SLC41A2: variants seen among roughly 807,000 people sequenced by gnomAD.
SLC41A2 encodes the protein SLC41A1-like 1.
In SLC41A2, 32 loss-of-function variants were observed where a neutral mutation model predicts 58.3. That is an observed-to-expected ratio of 0.55 (90% CI 0.41 to 0.74). SLC41A2 has a LOEUF of 0.74. SLC41A2 is among the 30% of genes least tolerant of loss of function. The pLI is 0.00. For missense variants in SLC41A2, 514 were observed against 680.6 expected (o/e 0.76, Z 2.72); for synonymous variants, 190 against 235.0 (o/e 0.81, Z 1.75).
At chr12:104,889,960 T>C (rs1326620036) in intron 4 of SLC41A2, among the ~76,000 whole-genome samples, 1 of 152,150 alleles carries the variant, frequency 6.6e-6, no homozygotes, top group Non-Finnish European at 1.5e-5. Context: ...CTCAGATTAA[T>C]AGGATGTCAG....
At chr12:104,920,561 GAAAAAA>G (rs2046545800) in intron 2 of SLC41A2, among the ~76,000 whole-genome samples, 1 of 151,470 alleles carries the variant, frequency 6.6e-6, no homozygotes, top group African/African-American at 2.4e-5. Flanking sequence ...ACACAGAGAA[GAAAAAA>G]AGAAAAAGAA....
intron 6 of SLC41A2, among the ~76,000 whole-genome samples, chr12:104,872,761 A>C (rs1450544754): frequency 6.6e-6 from 1 of 152,140 alleles, no homozygotes; most frequent in Non-Finnish European, 1.5e-5. Context: ...AGTAGCACAC[A>C]TTGAATTCCA....
rs1198972963 is a variant in SLC41A2, at chr12:104,830,337, C to T, written c.1536+14135G>A. ...GCACAGTATTTGCATATAACCTACACATGTCCTCCTGAATACTTTAAAACA... is the reference window on the plus strand; with the variant it reads ...GCACAGTATTTGCATATAACCTACATATGTCCTCCTGAATACTTTAAAACA... On this transcript the variant is annotated intron_variant, in intron 10 of 10. Coordinates refer to ENST00000258538, the MANE Select transcript of SLC41A2 (RefSeq NM_001352171.3). 3.9e-5 allele frequency among the ~76,000 whole-genome samples: 6 copies of T among 152,334 alleles called. No homozygotes were observed. In the East Asian group the frequency reaches 9.6e-4, roughly 24 times the overall value.
intron 10 of SLC41A2, among the ~76,000 whole-genome samples, chr12:104,826,298 C>A (rs2041842586): frequency 6.6e-6 from 1 of 152,134 alleles, no homozygotes; most frequent in Non-Finnish European, 1.5e-5. Context: ...AGGAAAGGAC[C>A]ATTCATTTCA....
chr12:104,841,365 A>C (rs1192510424), intron 10 of SLC41A2, among the ~76,000 whole-genome samples: 1 of 151,710 alleles, frequency 6.6e-6, no homozygotes, highest in Non-Finnish European at 1.5e-5. Flanking sequence ...ACCTAAATAC[A>C]GTTATAAAAT....
intron 10 of SLC41A2, among the ~76,000 whole-genome samples, chr12:104,840,602 T>C (rs1392642144): frequency 6.6e-6 from 1 of 152,216 alleles, no homozygotes; most frequent in Non-Finnish European, 1.5e-5. Flanking sequence ...GGTCTTGATA[T>C]GGTCTAGCTA....
chr12:104,943,551 A>C lies in SLC41A2; in HGVS notation c.-168+14537T>G, dbSNP rs542423982. On this transcript the variant is annotated intron_variant, in intron 1 of 10. Coordinates refer to ENST00000258538, the MANE Select transcript of SLC41A2 (RefSeq NM_001352171.3). The stretch of plus-strand genomic sequence containing the variant: ...ACTAAGATCTACCACGGACCCCTGG[A>C]CCAGCCTGCTAGCCCATACTCCGAT... Among the ~76,000 whole-genome samples, 23 of 152,324 alleles carry C rather than the reference A, an allele frequency of 1.5e-4. No homozygotes were observed. The East Asian group carries it at 4.4e-3, about 29-fold the overall frequency.
intron 2 of SLC41A2, among the ~76,000 whole-genome samples, chr12:104,924,374 G>GT (rs1460996498): frequency 6.6e-6 from 1 of 152,198 alleles, no homozygotes; most frequent in African/African-American, 2.4e-5. Context: ...CTAAATTTGA[G>GT]TATCTCCATA....
chr12:104,896,486 C>T (rs1593094897), intron 3 of SLC41A2, among the ~76,000 whole-genome samples: 2 of 152,082 alleles, frequency 1.3e-5, no homozygotes, highest in East Asian at 1.9e-4. Flanking sequence ...AAGGTACAAG[C>T]AATGTTTACA....
At position 104,913,561 on chromosome 12, in the gene SLC41A2, A is replaced by C. The variant is rs74955540; in HGVS notation, c.556-3799T>G. ...GCACATGCACGTTTCTCTTTTCACAAATACTCATGACTCCTCTTATAGCAT... is the reference window on the plus strand; with the variant it reads ...GCACATGCACGTTTCTCTTTTCACACATACTCATGACTCCTCTTATAGCAT... On this transcript the variant is annotated intron_variant, in intron 2 of 10. Coordinates refer to ENST00000258538, the MANE Select transcript of SLC41A2 (RefSeq NM_001352171.3). 7.1e-3 allele frequency among the ~76,000 whole-genome samples: 1,087 copies of C among 152,188 alleles called. 19 individuals carry two copies. The highest frequency in any genetic ancestry group is 0.024 in the African/African-American group (982 of 41,498).
Position 104,861,274 on chromosome 12 carries a change from G to C in SLC41A2, c.1255+17C>G. 1 of 1,556,624 alleles carries C rather than the reference G, an allele frequency of 6.4e-7. No homozygotes were observed. The highest frequency in any genetic ancestry group is 8.9e-7 in the Non-Finnish European group (1 of 1,129,662). ...GAAGATTTGATATTATCATGAAACAGTATATCTAATTCTTACCATTAATAA... is the reference window on the plus strand; with the variant it reads ...GAAGATTTGATATTATCATGAAACACTATATCTAATTCTTACCATTAATAA... On this transcript the variant is annotated intron_variant, in intron 8 of 10. Transcript: ENST00000258538.
intron 10 of SLC41A2, among the ~76,000 whole-genome samples, chr12:104,833,248 G>A (rs2042098641): frequency 6.6e-6 from 1 of 152,194 alleles, no homozygotes; most frequent in South Asian, 2.1e-4. Flanking sequence ...ACATGCTTTA[G>A]AAGCTAGCCA....
intron 6 of SLC41A2, among the ~76,000 whole-genome samples, chr12:104,873,878 T>C (rs1001682749): frequency 4.6e-5 from 7 of 152,182 alleles, no homozygotes; most frequent in Admixed American, 2.0e-4. Context: ...TTGGGTTATG[T>C]GTTTTTTATT....
At chr12:104,914,518 T>C (rs1021080330) in intron 2 of SLC41A2, among the ~76,000 whole-genome samples, 3 of 152,220 alleles carry the variant, frequency 2.0e-5, no homozygotes, top group African/African-American at 7.2e-5. Flanking sequence ...TGTGATCTAA[T>C]GTTGAAATGT....
chr12:104,957,195 C>T (rs563459692), intron 1 of SLC41A2, among the ~76,000 whole-genome samples: 88 of 152,222 alleles, frequency 5.8e-4, no homozygotes, highest in Non-Finnish European at 1.0e-3. Context: ...TATTAATATG[C>T]TATAAAAAGT....
chr12:104,874,639 GCC>G (rs2043960234), intron 6 of SLC41A2, among the ~76,000 whole-genome samples: 1 of 152,068 alleles, frequency 6.6e-6, no homozygotes, highest in South Asian at 2.1e-4. Flanking sequence ...TCTTCTTGGT[GCC>G]CTTGTTAAAA....
chr12:104,948,933 T>TA (rs2047843586), intron 1 of SLC41A2, among the ~76,000 whole-genome samples: 1 of 152,108 alleles, frequency 6.6e-6, no homozygotes, highest in African/African-American at 2.4e-5. Context: ...AATGAACAAA[T>TA]ACGGCTGGGC....
At chr12:104,856,653 C>G (rs1291361380) in intron 8 of SLC41A2, among the ~76,000 whole-genome samples, 1 of 152,102 alleles carries the variant, frequency 6.6e-6, no homozygotes, top group East Asian at 1.9e-4. Flanking sequence ...GAGTAAGGCT[C>G]CCATTGGAAT....
chr12:104,941,167 T>A (rs2047499589), intron 1 of SLC41A2, among the ~76,000 whole-genome samples: 1 of 152,198 alleles, frequency 6.6e-6, no homozygotes, highest in African/African-American at 2.4e-5. Context: ...TCCTGAATTA[T>A]CTGCACAAAC....
Sources: allele counts gnomAD v4.1 joint callset (sites outside exome capture counted in the v4.1 genomes callset), GRCh38; gene constraint gnomAD v4.1.1; transcripts MANE v1.5; gene names NCBI Gene and HGNC (gene_info 2026-07-23, HGNC 2026-07-21).